Variants in CDH18 observed in about 807,000 individuals in gnomAD.
CDH18 encodes cadherin 18.
A neutral mutation model predicts 67.9 loss-of-function variants in CDH18; 31 were observed. The observed-to-expected ratio is 0.46, with a 90% confidence interval of 0.34 to 0.62. The LOEUF (loss-of-function observed/expected upper bound fraction) is 0.62, where lower values mean the gene tolerates loss of function less well. CDH18 is among the 20% of genes least tolerant of loss of function. The pLI, the probability that CDH18 is intolerant of heterozygous loss-of-function variation, is 0.01. For synonymous variants in CDH18, 362 were observed against 347.2 expected (o/e 1.04, Z -0.48); for missense variants, 890 against 975.5 (o/e 0.91, Z 1.17).
chr5:20,460,001 T>C (rs1751136043), intron 1 of CDH18, among the ~76,000 whole-genome samples: 1 of 152,186 alleles, frequency 6.6e-6, no homozygotes, highest in African/African-American at 2.4e-5. Context: ...AAAACCTCAG[T>C]CTTGCTTCAT....
chr5:19,955,621 G>C (rs946983868), intron 2 of CDH18, among the ~76,000 whole-genome samples: 4 of 151,856 alleles, frequency 2.6e-5, no homozygotes, highest in African/African-American at 7.3e-5. Flanking sequence ...CAAAGGAAGA[G>C]GTAACACTTA....
intron 11 of CDH18, chr5:19,502,639 C>T (rs955229310): frequency 4.4e-6 from 2 of 457,854 alleles, no homozygotes; most frequent in African/African-American, 4.0e-5. Flanking sequence ...GTAACTGTCT[C>T]TAGGATATAT....
At chr5:20,071,198 A>G (rs1359470632) in intron 2 of CDH18, among the ~76,000 whole-genome samples, 2 of 152,070 alleles carry the variant, frequency 1.3e-5, no homozygotes, top group East Asian at 1.9e-4. Flanking sequence ...AAATATCTTT[A>G]TGTTTTGTGC....
At chr5:19,594,512 T>A (rs1286979175) in intron 6 of CDH18, among the ~76,000 whole-genome samples, 3 of 152,158 alleles carry the variant, frequency 2.0e-5, no homozygotes, top group African/African-American at 7.2e-5. Context: ...TGAAGATGAT[T>A]TTACTACCTG....
intron 1 of CDH18, among the ~76,000 whole-genome samples, chr5:20,407,482 A>G (rs1051846340): frequency 3.9e-5 from 5 of 129,114 alleles, no homozygotes; most frequent in Admixed American, 2.6e-4. Context: ...TTTCTAATGC[A>G]TATACACCAA....
chr5:19,910,657 A>G (rs1791032425), intron 2 of CDH18, among the ~76,000 whole-genome samples: 2 of 152,184 alleles, frequency 1.3e-5, no homozygotes, highest in South Asian at 4.1e-4. Flanking sequence ...CAAACATCAA[A>G]TCAAAATAAA....
intron 11 of CDH18, among the ~76,000 whole-genome samples, chr5:19,495,689 A>C (rs1056162083): frequency 4.2e-5 from 6 of 144,436 alleles, no homozygotes; most frequent in African/African-American, 1.6e-4. Context: ...ATTGCACTAC[A>C]GCCTGGGCAA....
intron 6 of CDH18, among the ~76,000 whole-genome samples, chr5:19,596,099 G>C (rs1185316106): frequency 6.6e-6 from 1 of 152,186 alleles, no homozygotes; most frequent in Non-Finnish European, 1.5e-5. Flanking sequence ...TCTCCAAAAA[G>C]AGTATATTTC....
At chr5:19,564,298 C>G (rs935912479) in intron 8 of CDH18, among the ~76,000 whole-genome samples, 1 of 152,184 alleles carries the variant, frequency 6.6e-6, no homozygotes, top group Non-Finnish European at 1.5e-5. Context: ...GGCAGTGCAG[C>G]TTGCAGCTCT....
chr5:20,391,466 A>T (rs560716298), intron 1 of CDH18, among the ~76,000 whole-genome samples: 5 of 152,084 alleles, frequency 3.3e-5, no homozygotes, highest in Non-Finnish European at 5.9e-5. Flanking sequence ...TTAATGTGCT[A>T]TATAAGTACA....
intron 1 of CDH18, among the ~76,000 whole-genome samples, chr5:20,418,550 A>G (rs557910981): frequency 6.6e-5 from 10 of 151,956 alleles, no homozygotes; most frequent in Admixed American, 6.6e-4. Flanking sequence ...CTTCATTTTT[A>G]TGTAGGAATT....
At chr5:19,588,089 C>T (rs140390357) in intron 7 of CDH18, among the ~76,000 whole-genome samples, 182 of 151,874 alleles carry the variant, frequency 1.2e-3, no homozygotes, top group African/African-American at 4.2e-3. Flanking sequence ...TTTAGGCTTG[C>T]CTATTGTTGG....
intron 5 of CDH18, among the ~76,000 whole-genome samples, chr5:19,640,720 T>C (rs756004631): frequency 6.6e-6 from 1 of 151,908 alleles, no homozygotes; most frequent in Non-Finnish European, 1.5e-5. Flanking sequence ...TTAAAGCAGT[T>C]AAAGCCCATA....
At chr5:19,576,425 T>A (rs559852243) in intron 7 of CDH18, among the ~76,000 whole-genome samples, 40 of 151,472 alleles carry the variant, frequency 2.6e-4, no homozygotes, top group African/African-American at 9.5e-4. Context: ...ATTCAAAAAA[T>A]GGGCAAATCA....
chr5:20,372,208 C>T, intron 1 of CDH18, among the ~76,000 whole-genome samples: 1 of 152,046 alleles, frequency 6.6e-6, no homozygotes, highest in East Asian at 1.9e-4. Context: ...AGAGAGATTA[C>T]TATATTTTTA....
chr5:19,509,949 A>C (rs1210643442), intron 10 of CDH18, among the ~76,000 whole-genome samples: 1 of 152,146 alleles, frequency 6.6e-6, no homozygotes, highest in Non-Finnish European at 1.5e-5. Flanking sequence ...GTTGCAGTTT[A>C]CATTAGTATC....
At chr5:20,469,562 T>C (rs962923665) in intron 1 of CDH18, among the ~76,000 whole-genome samples, 5 of 152,152 alleles carry the variant, frequency 3.3e-5, no homozygotes, top group Non-Finnish European at 7.4e-5. Context: ...ACCCCGATCT[T>C]CCTTGAGGAT....
At chr5:19,660,803 A>G (rs1222446542) in intron 5 of CDH18, among the ~76,000 whole-genome samples, 2 of 152,048 alleles carry the variant, frequency 1.3e-5, no homozygotes, top group Non-Finnish European at 2.9e-5. Flanking sequence ...TGTATAATAC[A>G]TAGCTAGCAC....
intron 2 of CDH18, among the ~76,000 whole-genome samples, chr5:19,907,759 A>G (rs913710083): frequency 1.3e-5 from 2 of 152,066 alleles, no homozygotes; most frequent in Non-Finnish European, 2.9e-5. Flanking sequence ...TTTCTATAAA[A>G]TATTATCACA....
Sources: gnomAD v4.1 joint callset for allele counts (sites outside exome capture counted in the v4.1 genomes callset) on GRCh38, gnomAD v4.1.1 for gene constraint, MANE v1.5 for transcripts, NCBI Gene and HGNC (gene_info 2026-07-23, HGNC 2026-07-21) for gene names.